The following ZNF324 variants were observed in gnomAD, a reference collection of about 807,000 sequenced individuals.
ZNF324 encodes the protein zinc finger protein 324.
A neutral mutation model predicts 10.3 loss-of-function variants in ZNF324; 3 were observed. The observed-to-expected ratio is 0.29, with a 90% CI of 0.13 to 0.75. ZNF324 has a LOEUF of 0.75. Among genes scored for constraint, ZNF324 ranks in the 30% least tolerant of loss-of-function variants. The pLI is 0.69. For missense variants in ZNF324, 763 were observed against 784.4 expected (o/e 0.97, Z 0.33); for synonymous variants, 430 against 339.5 (o/e 1.27, Z -2.93).
rs771960921 is a variant in ZNF324, at chr19:58,471,428, C to G, written c.936C>G (p.Pro312=). Residue 312 remains proline, a synonymous_variant, in exon 4 of 4, where the codon CCC becomes CCG. Coordinates refer to ENST00000196482, the MANE Select transcript of ZNF324 (RefSeq NM_014347.3). ...QHQRIHSGET[P]YACPVCGKAF... ...AGCGCATCCACAGCGGCGAGACGCCCTACGCGTGCCCCGTGTGCGGCAAGG... is the reference window on the plus strand; with the variant it reads ...AGCGCATCCACAGCGGCGAGACGCCGTACGCGTGCCCCGTGTGCGGCAAGG... 3.7e-5 allele frequency: 59 copies of G among 1,607,278 alleles called. No homozygotes were observed. In the Admixed American group the frequency reaches 9.7e-4, roughly 27 times the overall value.
chr19:58,472,113 G>T lies in ZNF324; in HGVS notation c.1621G>T (p.Ala541Ser), dbSNP rs749063610. Residue 541 changes from alanine to serine, a missense_variant, in exon 4 of 4, where the codon GCC becomes TCC. This residue lies in a region of ZNF324 where 231 missense variants were observed against 196.0 expected (regional missense o/e 1.18). Coordinates refer to ENST00000196482, the MANE Select transcript of ZNF324 (RefSeq NM_014347.3). Reference sequence around the variant, plus strand: ...AGCGAAGGAAACCGAGCCCACTCCCGCCTCGGGCCCAGCCGCCGTCTCGCA... The same window carrying T: ...AGCGAAGGAAACCGAGCCCACTCCCTCCTCGGGCCCAGCCGCCGTCTCGCA... ...APAKETEPTP[A>S]SGPAAVSQPA... 1 of 1,592,748 alleles carries T rather than the reference G, an allele frequency of 6.3e-7. No individual in the cohort carries two copies. The highest frequency in any genetic ancestry group is 8.5e-7 in the Non-Finnish European group (1 of 1,170,496).
rs996523733 is a variant in ZNF324 at position 58,475,049 on chromosome 19, GTTT to G, written c.*2902_*2904del. ...CACATGGTGGAGGGTGAAAGTTTTT[GTTT>G]TTTTTTCCTTCTGGGACTCTGCATA... is the stretch of plus-strand genomic sequence containing the variant. On this transcript the variant is annotated 3_prime_UTR_variant, in exon 4 of 4. Coordinates refer to ENST00000196482, the MANE Select transcript of ZNF324 (RefSeq NM_014347.3). 6.7e-6 allele frequency: 1 copy of G among 150,046 alleles called. No individual in the cohort carries two copies. Among genetic ancestry groups the G allele is most frequent in the Non-Finnish European group, 1.5e-5 (1 of 67,448 alleles). 9.3% of individuals were successfully genotyped at this position (150,046 alleles called of 1,614,324 possible). A position where few individuals can be genotyped will look rare whatever the true frequency, so the allele number is the denominator to read the frequency against.
chr19:58,471,791 C>T lies in ZNF324; in HGVS notation c.1299C>T (p.Ala433=), dbSNP rs1369326451. ...TCGCCTGCCCACAGTGCGGCCGCGC[C>T]TTTAGCCACAGCTCCAACCTCACCC... ...KPFACPQCGR[A]FSHSSNLTQH... The change falls in exon 4 of 4, where the codon GCC becomes GCT. Residue 433 remains alanine, a synonymous_variant. Coordinates refer to ENST00000196482, the MANE Select transcript of ZNF324 (RefSeq NM_014347.3). 3 of 1,613,170 alleles carry T rather than the reference C, an allele frequency of 1.9e-6. No individual in the cohort carries two copies. In the Admixed American group the frequency reaches 5.0e-5, roughly 27 times the overall value.
Position 58,472,339 on chromosome 19 carries a change from C to A in ZNF324, c.*185C>A. 1.6e-6 allele frequency: 1 copy of A among 633,464 alleles called. No homozygotes were observed. The highest frequency in any genetic ancestry group is 2.7e-6 in the Non-Finnish European group (1 of 376,108). The allele number at this position is 633,464 out of a possible 1,614,324, so 39.2% of individuals were successfully genotyped here. A position where few individuals can be genotyped will look rare whatever the true frequency, so the allele number is the denominator to read the frequency against. On this transcript the variant is annotated 3_prime_UTR_variant, in exon 4 of 4. Transcript: ENST00000196482. ...GCCAGTTCACCCACAGATCACACCT[C>A]CATCCCCAAAGAGGTAGCACTGCAG... is the stretch of plus-strand genomic sequence containing the variant.
In ZNF324 at chr19:58,470,802, G is replaced by C. The variant is rs1568611638; in HGVS notation, c.310G>C (p.Gly104Arg). The change falls in exon 4 of 4, where the codon GGG becomes CGG. Residue 104 changes from glycine (G) to arginine (R), a missense_variant. Physicochemically the swap from Gly to Arg is moderately radical, Grantham distance 125. This residue lies in a region of ZNF324 where 379 missense variants were observed against 319.4 expected (regional missense o/e 1.19). Transcript: ENST00000196482. ...ACGAGCTTTCCCAGATACCCCACCTGGGATGACTACTAGCGTCTTCCCTGT... is the reference window on the plus strand; with the variant it reads ...ACGAGCTTTCCCAGATACCCCACCTCGGATGACTACTAGCGTCTTCCCTGT... ...WPRAFPDTPP[G>R]MTTSVFPVAG... 1.2e-6 allele frequency: 2 copies of C among 1,614,218 alleles called. No homozygotes were observed. Among genetic ancestry groups the C allele is most frequent in the Non-Finnish European group, 8.5e-7 (1 of 1,180,042 alleles).
At chr19:58,469,391 C>CCTATACCTT in intron 2 of ZNF324, 85 bp downstream of exon 2, 1 of 1,549,728 alleles carries the variant, frequency 6.5e-7, no homozygotes, top group South Asian at 1.2e-5. Context: ...TGGTGGCTGA[C>CCTATACCTT]GAGCAGGCCT....
chr19:58,470,424 G>T (rs1381612350), intron 3 of ZNF324: 1 of 499,814 alleles, frequency 2.0e-6, no homozygotes, highest in Non-Finnish European at 3.7e-6. Flanking sequence ...TGGAAAGAGT[G>T]TGGGTGGAAT....
At position 58,475,167 on chromosome 19, in the gene ZNF324, A is replaced by C. The variant is rs2053070215; in HGVS notation, c.*3013A>C. 1 of 152,124 alleles carries C rather than the reference A, an allele frequency of 6.6e-6. No individual in the cohort carries two copies. The highest frequency in any genetic ancestry group is 2.1e-4 in the South Asian group (1 of 4,824). 9.4% of individuals were successfully genotyped at this position (152,124 alleles called of 1,614,324 possible). On this transcript the variant is annotated 3_prime_UTR_variant, in exon 4 of 4. Transcript: ENST00000196482. ...CCGAGTTGACAAGTCTCATCCACGC[A>C]CATGCTCGGTGCTTCCAATCGGTGA... is the stretch of plus-strand genomic sequence containing the variant.
intron 3 of ZNF324, chr19:58,470,498 G>T (rs923210013): frequency 3.1e-6 from 2 of 645,142 alleles, no homozygotes; most frequent in Non-Finnish European, 5.6e-6. Flanking sequence ...CACATCCTGG[G>T]TGTCGGGGGG....
rs2122413076 is a variant in ZNF324 at position 58,470,886 on chromosome 19, C to T, written c.394C>T (p.Arg132Trp). The T allele has an allele frequency of 6.2e-7, 1 of 1,614,162 alleles. No individual in the cohort carries two copies. The highest frequency in any genetic ancestry group is 1.1e-5 in the South Asian group (1 of 91,076). ...LQRQRGASPS[R>W]ERKPTGVSVI... ...GAGACAACGGGGTGCCTCCCCATCT[C>T]GGGAGAGAAAACCCACGGGGGTGTC... The change falls in exon 4 of 4, where the codon CGG (arginine) becomes TGG (tryptophan). Residue 132 changes from arginine (R) to tryptophan (W), a missense_variant. Coordinates refer to ENST00000196482, the MANE Select transcript of ZNF324 (RefSeq NM_014347.3).
chr19:58,468,021 T>G (rs1218642976), intron 1 of ZNF324, among the ~76,000 whole-genome samples: 1 of 151,624 alleles, frequency 6.6e-6, no homozygotes, highest in Non-Finnish European at 1.5e-5. Flanking sequence ...CCAGGTGAAT[T>G]CTGGTGGATC....
At chr19:58,470,403 G>A (rs192334616) in intron 3 of ZNF324, 2 of 448,284 alleles carry the variant, frequency 4.5e-6, no homozygotes, top group African/African-American at 4.0e-5. Context: ...CGGGGGGAAG[G>A]GGGTAAGCAA....
chr19:58,470,645 G>A, intron 3 of ZNF324, 86 bp from the exon 4 acceptor site: 1 of 1,547,470 alleles, frequency 6.5e-7, no homozygotes. Flanking sequence ...GCCAGCTCCG[G>A]GGTTCCTTCT....
Position 58,473,473 on chromosome 19 carries a change from C to T in ZNF324, c.*1319C>T, listed in dbSNP as rs2053056377. 6.7e-6 allele frequency: 1 copy of T among 148,748 alleles called. No individual in the cohort carries two copies. The highest frequency in any genetic ancestry group is 2.5e-5 in the African/African-American group (1 of 40,466). 9.2% of individuals were successfully genotyped at this position (148,748 alleles called of 1,614,324 possible). ...AGAGTAGGTGTTGCAGTTTCCTGTA[C>T]AGCAGTTTGGACCTCCAGAGCACAG... On this transcript the variant is annotated 3_prime_UTR_variant, in exon 4 of 4. Transcript: ENST00000196482.
In ZNF324 at chr19:58,471,639, C is replaced by T; in HGVS notation, c.1147C>T (p.His383Tyr). The change falls in exon 4 of 4, where the codon CAC becomes TAC. Residue 383 changes from histidine (H) to tyrosine (Y), a missense_variant. Transcript: ENST00000196482. ...QCGRRFCRNS[H>Y]LIQHERTHTG... Reference sequence around the variant, plus strand: ...TGGCCGCCGCTTCTGCCGCAACTCGCACCTGATCCAGCACGAGCGTACGCA... The same window carrying T: ...TGGCCGCCGCTTCTGCCGCAACTCGTACCTGATCCAGCACGAGCGTACGCA... 1 of 1,611,058 alleles carries T rather than the reference C, an allele frequency of 6.2e-7. No individual in the cohort carries two copies. The highest frequency in any genetic ancestry group is 8.5e-7 in the Non-Finnish European group (1 of 1,179,724).
At position 58,471,989 on chromosome 19, in the gene ZNF324, C is replaced by T. The variant is rs1480864681; in HGVS notation, c.1497C>T (p.His499=). ...AFRERPALFH[H]QRIHTGEKTV... ...GTGAGCGCCCGGCCCTCTTCCACCA[C>T]CAGAGGATCCATACCGGCGAGAAGA... is the stretch of plus-strand genomic sequence containing the variant. Residue 499 remains histidine (H), a synonymous_variant, in exon 4 of 4, where the codon CAC becomes CAT. Transcript: ENST00000196482. 15 of 1,608,834 alleles carry T rather than the reference C, an allele frequency of 9.3e-6. No individual in the cohort carries two copies. Among genetic ancestry groups the T allele is most frequent in the Non-Finnish European group, 9.3e-6 (11 of 1,179,682 alleles).
At position 58,474,601 on chromosome 19, in the gene ZNF324, G is replaced by T. The variant is rs1207297770; in HGVS notation, c.*2447G>T. On this transcript the variant is annotated 3_prime_UTR_variant, in exon 4 of 4. Transcript: ENST00000196482. Reference sequence around the variant, plus strand: ...GGCTCCCACCTCCATGCAGGTCTTGGCCCCTCGGCTGACCTCCCTCCAACC... The same window carrying T: ...GGCTCCCACCTCCATGCAGGTCTTGTCCCCTCGGCTGACCTCCCTCCAACC... 2.0e-5 allele frequency: 3 copies of T among 151,938 alleles called. No individual in the cohort carries two copies. Among genetic ancestry groups the T allele is most frequent in the Non-Finnish European group, 2.9e-5 (2 of 68,022 alleles). 9.4% of individuals were successfully genotyped at this position (151,938 alleles called of 1,614,324 possible).
At chr19:58,470,375 T>A in intron 3 of ZNF324, 2 of 321,856 alleles carry the variant, frequency 6.2e-6, no homozygotes, top group Non-Finnish European at 1.1e-5. Context: ...AGTGGGTGCC[T>A]GAGAAGGGGG....
chr19:58,469,392 G>T lies in ZNF324; in HGVS notation c.121+86G>T, dbSNP rs73578717. On this transcript the variant is annotated intron_variant, in intron 2 of 3. Coordinates refer to ENST00000196482, the MANE Select transcript of ZNF324 (RefSeq NM_014347.3). Reference sequence around the variant, plus strand: ...CCCCCTCACCTCCCTGGTGGCTGACGAGCAGGCCTATACCTTGCAGCCAGG... The same window carrying T: ...CCCCCTCACCTCCCTGGTGGCTGACTAGCAGGCCTATACCTTGCAGCCAGG... 1.7e-3 allele frequency: 2,577 copies of T among 1,546,996 alleles called. 30 individuals carry two copies. The African/African-American group carries it at 0.031, about 18-fold the overall frequency.
Sources: gnomAD v4.1 joint callset for allele counts (sites outside exome capture counted in the v4.1 genomes callset) on GRCh38, gnomAD v4.1.1 for gene constraint, gnomAD v4.1.1 regional missense constraint, MANE v1.5 for transcripts, NCBI Gene and HGNC (gene_info 2026-07-23, HGNC 2026-07-21) for gene names.